The following SAMD4A variants were observed in gnomAD, a reference collection of about 807,000 sequenced individuals.
The protein encoded by SAMD4A is protein Smaug homolog 1.
A neutral mutation model predicts 81.3 loss-of-function variants in SAMD4A; 33 were observed. The observed-to-expected ratio is 0.41, with a 90% CI of 0.31 to 0.54. The LOEUF is 0.54. SAMD4A is among the 20% of genes least tolerant of loss of function. SAMD4A has a pLI of 0.37. For synonymous variants in SAMD4A, 389 were observed against 382.1 expected, an observed-to-expected ratio of 1.02 and a Z score of -0.21; for missense variants, 854 against 951.1, an observed-to-expected ratio of 0.90 and a Z score of 1.34.
chr14:54,731,230 A>G (rs1266432941), intron 3 of SAMD4A, among the ~76,000 whole-genome samples: 1 of 152,212 alleles, frequency 6.6e-6, no homozygotes, highest in African/African-American at 2.4e-5. Context: ...TAGACTTGAT[A>G]AGTATCAAAC....
chr14:54,666,530 C>T (rs895430075), intron 2 of SAMD4A, among the ~76,000 whole-genome samples: 2 of 152,090 alleles, frequency 1.3e-5, no homozygotes, highest in East Asian at 1.9e-4. Flanking sequence ...TGAATAAATC[C>T]GAGTATAAGT....
chr14:54,778,711 G>GA (rs1300448716), intron 11 of SAMD4A, among the ~76,000 whole-genome samples: 2 of 152,088 alleles, frequency 1.3e-5, no homozygotes, highest in Non-Finnish European at 2.9e-5. Flanking sequence ...CAAAGCACAG[G>GA]AAAAAGCCCG....
At chr14:54,601,511 G>GAAAAACA (rs1594717033) in intron 2 of SAMD4A, among the ~76,000 whole-genome samples, 1 of 152,290 alleles carries the variant, frequency 6.6e-6, no homozygotes, top group East Asian at 1.9e-4. Flanking sequence ...GGGTGGGGAT[G>GAAAAACA]AAAAACAAGA....
rs79987089 is a variant in SAMD4A at position 54,735,494 on chromosome 14, C to T, written c.716-1530C>T. Among the ~76,000 whole-genome samples, 1,356 of 152,230 alleles carry T rather than the reference C, an allele frequency of 8.9e-3. 15 individuals carry two copies. Among genetic ancestry groups the T allele is most frequent in the African/African-American group, 0.031 (1,285 of 41,542 alleles). On this transcript the variant is annotated intron_variant, in intron 3 of 12. Transcript: ENST00000554335. ...CTAAACTCGGTAGCTCTCTTTTGTC[C>T]TCCCTTTTCATTCATAAAGAAGTTT...
intron 2 of SAMD4A, among the ~76,000 whole-genome samples, chr14:54,626,041 TGTGTGTGTGTGTGTGTGTGC>T (rs1367016852): frequency 7.5e-6 from 1 of 132,490 alleles, no homozygotes; most frequent in East Asian, 2.0e-4. Flanking sequence ...TGTGTGTGTG[TGTGTGTGTGTGTGTGTGTGC>T]GCGCGCGCGC....
At chr14:54,746,551 G>A (rs139254537) in intron 4 of SAMD4A, among the ~76,000 whole-genome samples, 3 of 152,258 alleles carry the variant, frequency 2.0e-5, no homozygotes, top group Non-Finnish European at 4.4e-5. Context: ...AAAGGATCTA[G>A]CACTGATTGA....
Position 54,603,110 on chromosome 14 carries a change from C to T in SAMD4A, c.196+34998C>T, listed in dbSNP as rs74057927. On this transcript the variant is annotated intron_variant, in intron 2 of 12. Transcript: ENST00000554335. ...CCCAGTGGTGGATGGGGGAGCGAGG[C>T]GGACCATGTGACTTGGCATGAACAC... 4.5e-3 allele frequency among the ~76,000 whole-genome samples: 681 copies of T among 152,238 alleles called. 6 individuals are homozygous for T. Among genetic ancestry groups the T allele is most frequent in the African/African-American group, 0.015 (635 of 41,534 alleles).
chr14:54,599,367 T>C (rs1240601530), intron 2 of SAMD4A, among the ~76,000 whole-genome samples: 1 of 152,232 alleles, frequency 6.6e-6, no homozygotes, highest in Non-Finnish European at 1.5e-5. Flanking sequence ...TTTTTATCTG[T>C]GGGTGCGATC....
intron 3 of SAMD4A, among the ~76,000 whole-genome samples, chr14:54,733,431 C>T (rs535525424): frequency 6.6e-6 from 1 of 152,022 alleles, no homozygotes; most frequent in Admixed American, 6.5e-5. Flanking sequence ...TGTTGGTTTC[C>T]ATGTTTTAAG....
At chr14:54,640,254 G>A (rs978288919) in intron 2 of SAMD4A, among the ~76,000 whole-genome samples, 26 of 151,996 alleles carry the variant, frequency 1.7e-4, no homozygotes, top group African/African-American at 3.6e-4. Flanking sequence ...TGGAAGTTTC[G>A]TGCTATGAGA....
intron 2 of SAMD4A, among the ~76,000 whole-genome samples, chr14:54,650,929 C>T (rs1375309218): frequency 6.6e-6 from 1 of 152,190 alleles, no homozygotes; most frequent in African/African-American, 2.4e-5. Flanking sequence ...AAACTGAGGT[C>T]GTGAAAGGTC....
chr14:54,645,130 T>A (rs937405521), intron 2 of SAMD4A, among the ~76,000 whole-genome samples: 1 of 152,206 alleles, frequency 6.6e-6, no homozygotes, highest in African/African-American at 2.4e-5. Context: ...ACAAAATATG[T>A]ATGAAAATAA....
At chr14:54,761,006 T>C (rs527475585) in intron 7 of SAMD4A, among the ~76,000 whole-genome samples, 1 of 152,230 alleles carries the variant, frequency 6.6e-6, no homozygotes, top group South Asian at 2.1e-4. Flanking sequence ...TGTTCTCAGA[T>C]GTGGCCATGG....
intron 8 of SAMD4A, among the ~76,000 whole-genome samples, chr14:54,765,099 GAGAT>G (rs1166270182): frequency 6.6e-6 from 1 of 152,194 alleles, no homozygotes; most frequent in East Asian, 1.9e-4. Context: ...TATACAGAGT[GAGAT>G]AGACCCTTTG....
At chr14:54,730,171 T>A (rs1466162342) in intron 3 of SAMD4A, among the ~76,000 whole-genome samples, 3 of 152,210 alleles carry the variant, frequency 2.0e-5, no homozygotes, top group African/African-American at 7.2e-5. Flanking sequence ...TGTAGAGTAG[T>A]AAGAGCTGAC....
intron 2 of SAMD4A, among the ~76,000 whole-genome samples, chr14:54,577,908 G>A (rs1225164271): frequency 2.6e-5 from 4 of 152,206 alleles, no homozygotes; most frequent in Admixed American, 1.3e-4. Context: ...GGCAGTGAGT[G>A]GAAGCTGCTG....
intron 2 of SAMD4A, among the ~76,000 whole-genome samples, chr14:54,647,815 G>A (rs1366992895): frequency 2.0e-5 from 3 of 152,206 alleles, no homozygotes; most frequent in Non-Finnish European, 4.4e-5. Context: ...TTTTGTTGTG[G>A]GAATTGAATA....
intron 2 of SAMD4A, among the ~76,000 whole-genome samples, chr14:54,643,631 G>A (rs890181549): frequency 6.6e-6 from 1 of 152,198 alleles, no homozygotes; most frequent in African/African-American, 2.4e-5. Flanking sequence ...GAGTCGGTAT[G>A]CTCTTTGAAG....
intron 2 of SAMD4A, among the ~76,000 whole-genome samples, chr14:54,695,953 GAAAAAAAA>G (rs35817270): frequency 6.4e-5 from 5 of 78,294 alleles, no homozygotes; most frequent in African/African-American, 1.1e-4. Context: ...CTCCATCTCA[GAAAAAAAA>G]AAAAAAAAAA....
Sources: gnomAD v4.1 joint callset for allele counts (sites outside exome capture counted in the v4.1 genomes callset) on GRCh38, gnomAD v4.1.1 for gene constraint, MANE v1.5 for transcripts, NCBI Gene and HGNC (gene_info 2026-07-23, HGNC 2026-07-21) for gene names.